Variants in DLGAP2 observed in about 807,000 individuals in gnomAD.
The protein encoded by DLGAP2 is disks large-associated protein 2.
DLGAP2 carries 26 observed loss-of-function variants against 100.3 expected under a neutral mutation model. The observed-to-expected ratio is 0.26, with a 90% CI of 0.19 to 0.36. DLGAP2 has a LOEUF of 0.36. DLGAP2 is among the 10% of genes least tolerant of loss of function. The pLI is 1.00. For missense variants in DLGAP2, 1,858 were observed against 1,453.2 expected (o/e 1.28, Z -4.53); for synonymous variants, 886 against 630.1 (o/e 1.41, Z -6.08).
At chr8:1,357,342 C>T (rs1801879819) in intron 3 of DLGAP2, among the ~76,000 whole-genome samples, 2 of 152,012 alleles carry the variant, frequency 1.3e-5, no homozygotes, top group South Asian at 2.1e-4. Context: ...ATCACACTGA[C>T]ACCCCTGTTC....
intron 3 of DLGAP2, among the ~76,000 whole-genome samples, chr8:1,314,805 T>G (rs915130942): frequency 2.0e-5 from 3 of 152,240 alleles, no homozygotes; most frequent in Admixed American, 1.3e-4. Context: ...ACTTGTTCAT[T>G]ATGAAGGATA....
At chr8:824,328 G>C (rs1387489253) in intron 1 of DLGAP2, among the ~76,000 whole-genome samples, 2 of 151,938 alleles carry the variant, frequency 1.3e-5, no homozygotes, top group East Asian at 3.9e-4. Context: ...TCTTTGTCTC[G>C]GCGTCCCACA....
intron 1 of DLGAP2, among the ~76,000 whole-genome samples, chr8:862,515 G>C (rs1585945738): frequency 6.6e-6 from 1 of 152,052 alleles, no homozygotes; most frequent in Admixed American, 6.5e-5. Context: ...TGTTGGCTAG[G>C]CTGGTCTCGA....
chr8:1,250,041 C>A (rs6989858), intron 2 of DLGAP2, among the ~76,000 whole-genome samples: 116,938 of 151,922 alleles, frequency 0.77, 45,586 homozygotes, highest in Middle Eastern at 0.89. Flanking sequence ...CTGCCATACC[C>A]GGCTAATTTT....
intron 3 of DLGAP2, among the ~76,000 whole-genome samples, chr8:1,479,609 T>C (rs1030032967): frequency 3.3e-5 from 5 of 152,074 alleles, no homozygotes; most frequent in Non-Finnish European, 7.3e-5. Context: ...TTGAAAGCAA[T>C]AAATGGTAGA....
intron 2 of DLGAP2, among the ~76,000 whole-genome samples, chr8:1,119,692 A>T (rs376745909): frequency 1.2e-4 from 19 of 152,216 alleles, no homozygotes; most frequent in African/African-American, 3.6e-4. Context: ...TCAACTTTGA[A>T]TTTAAGTATC....
intron 2 of DLGAP2, among the ~76,000 whole-genome samples, chr8:920,320 A>T (rs1798682048): frequency 6.6e-6 from 1 of 152,252 alleles, no homozygotes; most frequent in Non-Finnish European, 1.5e-5. Flanking sequence ...TGCACAGTTT[A>T]GGCACAGGAA....
chr8:915,760 T>C (rs1798579125), intron 2 of DLGAP2, among the ~76,000 whole-genome samples: 1 of 152,064 alleles, frequency 6.6e-6, no homozygotes, highest in East Asian at 1.9e-4. Context: ...CACCCGTCTG[T>C]CCATCTGTCC....
At chr8:1,015,180 G>A (rs1300459898) in intron 2 of DLGAP2, among the ~76,000 whole-genome samples, 65 of 14,336 alleles carry the variant, frequency 4.5e-3, no homozygotes, top group African/African-American at 0.016. Context: ...CACTGTGTGT[G>A]TGACCAGGAC....
Position 1,166,200 on chromosome 8 carries a change from T to G in DLGAP2, c.74-92651T>G, listed in dbSNP as rs1385945221. Among the ~76,000 whole-genome samples the G allele has an allele frequency of 3.3e-5, 5 of 152,198 alleles. No individual in the cohort carries two copies. The East Asian group carries it at 9.6e-4, about 29-fold the overall frequency. On this transcript the variant is annotated intron_variant, in intron 2 of 14. Transcript: ENST00000637795. ...ACAGCGTCTGAATTTATTTATATAT[T>G]TTAAACAAATGCCTGCACCACATCC...
intron 8 of DLGAP2, among the ~76,000 whole-genome samples, chr8:1,664,811 T>C (rs1449681984): frequency 6.6e-6 from 1 of 152,232 alleles, no homozygotes; most frequent in Non-Finnish European, 1.5e-5. Flanking sequence ...CACAGCTAAT[T>C]GCTTCAAACC....
chr8:959,827 G>C (rs1049807932), intron 2 of DLGAP2, among the ~76,000 whole-genome samples: 1 of 152,074 alleles, frequency 6.6e-6, no homozygotes, highest in East Asian at 1.9e-4. Flanking sequence ...ACATTCTCAA[G>C]TCATTAAAAA....
In DLGAP2 at chr8:970,688, G is replaced by C. The variant is rs559642330; in HGVS notation, c.73+62722G>C. 2.5e-3 allele frequency among the ~76,000 whole-genome samples: 387 copies of C among 152,298 alleles called. 3 individuals are homozygous for C. Among genetic ancestry groups the C allele is most frequent in the African/African-American group, 8.9e-3 (371 of 41,566 alleles). ...GTGTGTTCTGTGTCCTTAGAGACAT[G>C]TAATTATTTTAACAAATGGCTCTTA... On this transcript the variant is annotated intron_variant, in intron 2 of 14. Transcript: ENST00000637795.
intron 2 of DLGAP2, among the ~76,000 whole-genome samples, chr8:1,095,150 G>GGGCAGCAGCCTGCGCTGGCA (rs1804326255): frequency 1.3e-5 from 2 of 152,146 alleles, no homozygotes; most frequent in African/African-American, 4.8e-5. Flanking sequence ...AGACAGCCTG[G>GGGCAGCAGCCTGCGCTGGCA]TGCTCCTTCA....
At chr8:921,900 T>G (rs1190189393) in intron 2 of DLGAP2, among the ~76,000 whole-genome samples, 1 of 152,236 alleles carries the variant, frequency 6.6e-6, no homozygotes, top group Non-Finnish European at 1.5e-5. Context: ...GGCGAGACGT[T>G]CGGGCAGAAG....
intron 3 of DLGAP2, chr8:1,302,587 G>A (rs2116998468): frequency 6.6e-6 from 1 of 152,338 alleles, no homozygotes; most frequent in Non-Finnish European, 1.5e-5. Context: ...CTCCATACCT[G>A]GGACCGGACT....
At chr8:851,363 T>A (rs576573410) in intron 1 of DLGAP2, among the ~76,000 whole-genome samples, 2 of 152,366 alleles carry the variant, frequency 1.3e-5, no homozygotes, top group South Asian at 4.1e-4. Context: ...TATGACTGAC[T>A]GTGTTTTCTT....
At chr8:914,831 A>G (rs1798557448) in intron 2 of DLGAP2, among the ~76,000 whole-genome samples, 2 of 152,236 alleles carry the variant, frequency 1.3e-5, no homozygotes. Context: ...TTTTAATGAT[A>G]TACCAGTGTA....
intron 1 of DLGAP2, among the ~76,000 whole-genome samples, chr8:835,055 G>C (rs568081164): frequency 1.3e-5 from 2 of 152,122 alleles, no homozygotes; most frequent in South Asian, 4.1e-4. Flanking sequence ...ATGTGTGCAC[G>C]TGTTAGTGTG....
Sources: gnomAD v4.1 joint callset for allele counts (sites outside exome capture counted in the v4.1 genomes callset) on GRCh38, gnomAD v4.1.1 for gene constraint, MANE v1.5 for transcripts, NCBI Gene and HGNC (gene_info 2026-07-23, HGNC 2026-07-21) for gene names.